The following COMMD1 variants were observed in gnomAD, a reference collection of about 807,000 sequenced individuals.
COMMD1 encodes the protein COMM domain-containing protein 1.
In COMMD1, 10 loss-of-function variants were observed where a neutral mutation model predicts 17.2. That is an observed-to-expected ratio of 0.58 (90% CI 0.36 to 0.99). The LOEUF (loss-of-function observed/expected upper bound fraction) is 0.99. Among genes scored for constraint, COMMD1 ranks in the 50% least tolerant of loss-of-function variants. COMMD1 has a pLI of 0.01. For missense variants in COMMD1, 270 were observed against 231.8 expected (o/e 1.17, Z -1.07); for synonymous variants, 97 against 91.6 (o/e 1.06, Z -0.34).
At chr2:61,996,251 A>G (rs1668751226) in intron 1 of COMMD1, among the ~76,000 whole-genome samples, 1 of 151,974 alleles carries the variant, frequency 6.6e-6, no homozygotes, top group Non-Finnish European at 1.5e-5. Flanking sequence ...CTGAGCCTTC[A>G]TCTAGTCATA....
rs539616883 is a variant in COMMD1 at position 62,047,914 on chromosome 2, G to C, written c.462+46932G>C. 2.2e-3 allele frequency among the ~76,000 whole-genome samples: 333 copies of C among 152,232 alleles called. 3 individuals are homozygous for C. The highest frequency in any genetic ancestry group is 6.2e-3 in the South Asian group (30 of 4,826). On this transcript the variant is annotated intron_variant, in intron 2 of 2. Coordinates refer to ENST00000311832, the MANE Select transcript of COMMD1 (RefSeq NM_152516.4). ...AAAGTGTTCAGTACAGTAACATGCT[G>C]TACAGGTTTATACCCTAGGAGCAAT...
chr2:61,939,908 AG>A (rs1240667401), intron 1 of COMMD1, among the ~76,000 whole-genome samples: 5 of 152,214 alleles, frequency 3.3e-5, no homozygotes, highest in Non-Finnish European at 7.3e-5. Flanking sequence ...GGACAAAAAG[AG>A]GGTCCTTGCT....
chr2:61,993,916 T>C (rs1668671146), intron 1 of COMMD1, among the ~76,000 whole-genome samples: 1 of 152,162 alleles, frequency 6.6e-6, no homozygotes, highest in Admixed American at 6.5e-5. Flanking sequence ...AAGCAAGGTG[T>C]CAGTGGAAAT....
At chr2:62,010,263 G>A (rs996942801) in intron 2 of COMMD1, among the ~76,000 whole-genome samples, 104 of 151,964 alleles carry the variant, frequency 6.8e-4, no homozygotes, top group African/African-American at 2.2e-3. Context: ...CCAGAATACC[G>A]CATTTGCCTG....
At chr2:61,986,922 A>G (rs550241608) in intron 1 of COMMD1, among the ~76,000 whole-genome samples, 3 of 152,178 alleles carry the variant, frequency 2.0e-5, no homozygotes, top group African/African-American at 7.2e-5. Flanking sequence ...CCTGTCTTCA[A>G]GCTCACTAAT....
At chr2:61,983,868 C>T (rs1672025858) in intron 1 of COMMD1, among the ~76,000 whole-genome samples, 1 of 152,130 alleles carries the variant, frequency 6.6e-6, no homozygotes, top group African/African-American at 2.4e-5. Context: ...TTTGCTTCTA[C>T]TGACTTTGGG....
chr2:61,926,161 C>T (rs915201256), intron 1 of COMMD1, among the ~76,000 whole-genome samples: 9 of 151,918 alleles, frequency 5.9e-5, no homozygotes, highest in Non-Finnish European at 8.8e-5. Context: ...TTAGTAGAGA[C>T]GGGGTTTCAC....
intron 2 of COMMD1, among the ~76,000 whole-genome samples, chr2:62,021,383 A>G (rs562187956): frequency 6.6e-6 from 1 of 152,252 alleles, no homozygotes; most frequent in South Asian, 2.1e-4. Flanking sequence ...AGTCTTCAGC[A>G]TTTGTTCAGT....
At chr2:61,930,617 T>TTGTGTGTG (rs59488185) in intron 1 of COMMD1, among the ~76,000 whole-genome samples, 5,611 of 146,088 alleles carry the variant, frequency 0.038, 114 homozygotes, top group African/African-American at 0.043. Context: ...CCACAGGGTT[T>TTGTGTGTG]TGTGTGTGTG....
chr2:62,054,069 A>G (rs1020242609), intron 2 of COMMD1, among the ~76,000 whole-genome samples: 3 of 152,220 alleles, frequency 2.0e-5, no homozygotes, highest in Admixed American at 6.5e-5. Flanking sequence ...TCAAAAGAAG[A>G]CATATAAATG....
intron 1 of COMMD1, among the ~76,000 whole-genome samples, chr2:61,941,230 G>A (rs1353649377): frequency 2.6e-5 from 4 of 151,812 alleles, no homozygotes; most frequent in Middle Eastern, 3.2e-3. Flanking sequence ...GTTTCACCAC[G>A]TTGGCCAGGC....
At chr2:62,073,853 A>G (rs1210323814) in intron 2 of COMMD1, among the ~76,000 whole-genome samples, 5 of 152,204 alleles carry the variant, frequency 3.3e-5, no homozygotes, top group Admixed American at 2.0e-4. Context: ...TGCCGCCACC[A>G]TGCTTGGCTA....
upstream of COMMD1, chr2:61,905,622 C>A (rs938135052): frequency 2.0e-6 from 3 of 1,474,310 alleles, no homozygotes; most frequent in African/African-American, 1.4e-5. Flanking sequence ...TTAGGCACAT[C>A]TCGGCCGCCG....
intron 2 of COMMD1, among the ~76,000 whole-genome samples, chr2:62,074,776 T>A (rs1306507272): frequency 6.6e-6 from 1 of 152,206 alleles, no homozygotes; most frequent in Non-Finnish European, 1.5e-5. Context: ...ATTAATATAT[T>A]TGCCATTTCT....
chr2:61,998,117 A>G (rs1197754317), intron 1 of COMMD1, among the ~76,000 whole-genome samples: 1 of 152,148 alleles, frequency 6.6e-6, no homozygotes, highest in Middle Eastern at 3.2e-3. Context: ...CTCAACCTAC[A>G]TATAATTAAA....
At chr2:62,062,428 A>G (rs1252509989) in intron 2 of COMMD1, among the ~76,000 whole-genome samples, 2 of 151,714 alleles carry the variant, frequency 1.3e-5, no homozygotes, top group Admixed American at 6.6e-5. Context: ...GGGTTTCACC[A>G]TGTTGGCCAG....
intron 1 of COMMD1, among the ~76,000 whole-genome samples, chr2:61,889,517 G>C (rs6748127): frequency 0.98 from 149,068 of 152,304 alleles, 72,960 homozygotes; most frequent in East Asian, 1. Flanking sequence ...ACCCGGAGGT[G>C]CCCTCCTTTA....
intron 1 of COMMD1, among the ~76,000 whole-genome samples, chr2:61,891,591 G>T (rs1460803529): frequency 6.6e-6 from 1 of 151,766 alleles, no homozygotes; most frequent in African/African-American, 2.4e-5. Flanking sequence ...AGCCAGGCGT[G>T]GTGTCAGATG....
intron 1 of COMMD1, among the ~76,000 whole-genome samples, chr2:61,893,771 A>G (rs1277862955): frequency 6.6e-6 from 1 of 151,480 alleles, no homozygotes; most frequent in East Asian, 1.9e-4. Context: ...CTGAAATCAC[A>G]CCATTGCACT....
Sources: allele counts gnomAD v4.1 joint callset (sites outside exome capture counted in the v4.1 genomes callset), GRCh38; gene constraint gnomAD v4.1.1; transcripts MANE v1.5; gene names NCBI Gene and HGNC (gene_info 2026-07-23, HGNC 2026-07-21).